The following SHC3 variants were observed in gnomAD, a reference collection of about 807,000 sequenced individuals.
The protein encoded by SHC3 is SHC adaptor protein 3.
A neutral mutation model predicts 60.4 loss-of-function variants in SHC3; 15 were observed. The observed-to-expected ratio is 0.25, with a 90% CI of 0.17 to 0.38. SHC3 has a LOEUF of 0.38. Among genes scored for constraint, SHC3 ranks in the 10% least tolerant of loss-of-function variants. The pLI, the probability that SHC3 is intolerant of heterozygous loss-of-function variation, is 1.00. For missense variants in SHC3, 677 were observed against 786.1 expected, an observed-to-expected ratio of 0.86 and a Z score of 1.66; for synonymous variants, 294 against 325.9, an observed-to-expected ratio of 0.90 and a Z score of 1.05.
intron 11 of SHC3, among the ~76,000 whole-genome samples, chr9:89,027,689 C>A (rs1826343164): frequency 6.6e-6 from 1 of 152,034 alleles, no homozygotes; most frequent in Non-Finnish European, 1.5e-5. Context: ...TTCTCCGAAC[C>A]CAGAAAAAGG....
At chr9:89,125,275 C>T (rs947297492) in intron 1 of SHC3, among the ~76,000 whole-genome samples, 14 of 152,016 alleles carry the variant, frequency 9.2e-5, no homozygotes, top group African/African-American at 2.9e-4. Context: ...TCTAAATTTC[C>T]GAGTTTGCTT....
At chr9:89,068,337 C>T (rs953612181) in intron 5 of SHC3, among the ~76,000 whole-genome samples, 1 of 152,144 alleles carries the variant, frequency 6.6e-6, no homozygotes, top group African/African-American at 2.4e-5. Context: ...ATCTTGTTTG[C>T]TATTTCAAAA....
At chr9:89,120,824 C>T (rs1185953714) in intron 1 of SHC3, among the ~76,000 whole-genome samples, 1 of 147,638 alleles carries the variant, frequency 6.8e-6, no homozygotes, top group Non-Finnish European at 1.5e-5. Flanking sequence ...GATCAAACTC[C>T]CAAAGATACA....
chr9:89,127,852 C>A (rs1201891454), intron 1 of SHC3, among the ~76,000 whole-genome samples: 1 of 151,142 alleles, frequency 6.6e-6, no homozygotes, highest in East Asian at 1.9e-4. Flanking sequence ...GGTATAGGAT[C>A]CAGTATAAAA....
chr9:89,150,847 G>C (rs902960791), intron 1 of SHC3, among the ~76,000 whole-genome samples: 15 of 152,016 alleles, frequency 9.9e-5, no homozygotes, highest in Admixed American at 9.2e-4. Flanking sequence ...GCTGGGTTTT[G>C]ATTTCTCAAT....
chr9:89,107,621 G>A (rs569694559), intron 2 of SHC3, among the ~76,000 whole-genome samples: 1 of 152,226 alleles, frequency 6.6e-6, no homozygotes, highest in Non-Finnish European at 1.5e-5. Context: ...GCTGAGAGAG[G>A]CTTGGCCATG....
intron 2 of SHC3, among the ~76,000 whole-genome samples, chr9:89,095,350 TCA>T (rs1465205674): frequency 6.6e-6 from 1 of 152,112 alleles, no homozygotes; most frequent in African/African-American, 2.4e-5. Flanking sequence ...AATAAGTCAG[TCA>T]CAAAAGGACA....
chr9:89,150,519 G>A lies in SHC3; in HGVS notation c.474+27468C>T, dbSNP rs940827223. Reference sequence around the variant, plus strand: ...GCATAATGTTTTCAAGATTCACCATGTTGTAGCATGGTCAGTACTTCACTC... The same window carrying A: ...GCATAATGTTTTCAAGATTCACCATATTGTAGCATGGTCAGTACTTCACTC... On this transcript the variant is annotated intron_variant, in intron 1 of 11. Coordinates refer to ENST00000375835, the MANE Select transcript of SHC3 (RefSeq NM_016848.6). Among the ~76,000 whole-genome samples the A allele has an allele frequency of 3.9e-5, 6 of 152,194 alleles. 1 individual carries two copies. The highest frequency in any genetic ancestry group is 2.6e-4 in the Admixed American group (4 of 15,288).
chr9:89,111,559 T>A (rs1276651906), intron 2 of SHC3, among the ~76,000 whole-genome samples: 1 of 151,826 alleles, frequency 6.6e-6, no homozygotes, highest in Non-Finnish European at 1.5e-5. Context: ...ACAACTTACA[T>A]GTCTCAAGGC....
intron 9 of SHC3, among the ~76,000 whole-genome samples, chr9:89,044,911 C>T (rs890424706): frequency 1.3e-5 from 2 of 152,226 alleles, no homozygotes; most frequent in African/African-American, 2.4e-5. Context: ...CTGTGAGAGA[C>T]GTATATCCCT....
intron 1 of SHC3, among the ~76,000 whole-genome samples, chr9:89,153,417 A>C (rs771004413): frequency 2.0e-5 from 3 of 152,094 alleles, no homozygotes; most frequent in African/African-American, 7.2e-5. Flanking sequence ...CTACCCCAAC[A>C]TCCATGCTGC....
intron 11 of SHC3, among the ~76,000 whole-genome samples, chr9:89,022,639 T>C (rs994708183): frequency 4.6e-5 from 7 of 152,176 alleles, no homozygotes; most frequent in Non-Finnish European, 1.0e-4. Context: ...ATGTGACTTA[T>C]GAACAAGCAT....
intron 2 of SHC3, among the ~76,000 whole-genome samples, chr9:89,106,433 G>A (rs1825860856): frequency 6.6e-6 from 1 of 152,222 alleles, no homozygotes; most frequent in Non-Finnish European, 1.5e-5. Context: ...ATGCTGCCAT[G>A]CTCCTGGGAG....
At chr9:89,020,842 T>G (rs1826189063) in intron 11 of SHC3, among the ~76,000 whole-genome samples, 1 of 152,188 alleles carries the variant, frequency 6.6e-6, no homozygotes, top group African/African-American at 2.4e-5. Context: ...CAGGGTTGTG[T>G]GTCTGGGTGG....
intron 2 of SHC3, among the ~76,000 whole-genome samples, chr9:89,092,556 G>C (rs1297319995): frequency 1.4e-5 from 2 of 147,460 alleles, no homozygotes; most frequent in African/African-American, 5.0e-5. Flanking sequence ...AGCAGAGCTT[G>C]CAGTGAGCCA....
At chr9:89,035,852 T>TATATATATATATATATATA (rs372898972) in intron 11 of SHC3, among the ~76,000 whole-genome samples, 6 of 82,120 alleles carry the variant, frequency 7.3e-5, no homozygotes, top group African/African-American at 1.2e-4. Flanking sequence ...TATATATAGA[T>TATATATATATATATATATA]GTGTGTGTGT....
chr9:89,169,590 TCCAGGCCA>T (rs1348889180), intron 1 of SHC3, among the ~76,000 whole-genome samples: 2 of 151,756 alleles, frequency 1.3e-5, no homozygotes, highest in African/African-American at 4.8e-5. Context: ...AATTTGGACA[TCCAGGCCA>T]CTGCTTGACC....
intron 1 of SHC3, among the ~76,000 whole-genome samples, chr9:89,127,557 G>T (rs1159641631): frequency 1.3e-5 from 2 of 152,098 alleles, no homozygotes; most frequent in Non-Finnish European, 2.9e-5. Context: ...AAAATCTGAG[G>T]ATCTGTTCTG....
chr9:89,115,026 T>C (rs1826001628), intron 1 of SHC3, among the ~76,000 whole-genome samples: 1 of 152,204 alleles, frequency 6.6e-6, no homozygotes, highest in Admixed American at 6.5e-5. Context: ...CAGGGTTATG[T>C]GACTCGCACA....
Sources: gnomAD v4.1 joint callset for allele counts (sites outside exome capture counted in the v4.1 genomes callset) on GRCh38, gnomAD v4.1.1 for gene constraint, MANE v1.5 for transcripts, NCBI Gene and HGNC (gene_info 2026-07-23, HGNC 2026-07-21) for gene names.